The following CFAP46 variants were observed in gnomAD, a reference collection of about 807,000 sequenced individuals.
CFAP46 encodes cilia and flagella associated protein 46.
A neutral mutation model predicts 325.7 loss-of-function variants in CFAP46; 245 were observed. The observed-to-expected ratio is 0.75, with a 90% CI of 0.68 to 0.84. The LOEUF is 0.84. CFAP46 is among the 40% of genes least tolerant of loss of function. CFAP46 has a pLI of 0.00. For synonymous variants in CFAP46, 1,523 were observed against 1,495.9 expected, an observed-to-expected ratio of 1.02 and a Z score of -0.42; for missense variants, 3,346 against 3,543.0, an observed-to-expected ratio of 0.94 and a Z score of 1.41.
At chr10:132,851,041 G>A in intron 40 of CFAP46, 76 bp downstream of exon 40, 2 of 1,564,104 alleles carry the variant, frequency 1.3e-6, no homozygotes, top group African/African-American at 1.4e-5. Context: ...GACGGCTCCT[G>A]CTGGAACGGG....
At position 132,817,607 on chromosome 10, in the gene CFAP46, G is replaced by A. The variant is rs922174775; in HGVS notation, c.7118-2693C>T. Among the ~76,000 whole-genome samples, 11 of 152,256 alleles carry A rather than the reference G, an allele frequency of 7.2e-5. No individual in the cohort carries two copies. Among genetic ancestry groups the A allele is most frequent in the Middle Eastern group, 3.4e-3 (1 of 294 alleles). Reference sequence around the variant, plus strand: ...TCTATTTGTTGGGAGTTTGCACACCGACTCTCTGGTGGTGTCCTTAGCGCT... The same window carrying A: ...TCTATTTGTTGGGAGTTTGCACACCAACTCTCTGGTGGTGTCCTTAGCGCT... On this transcript the variant is annotated intron_variant, in intron 50 of 57. Coordinates refer to ENST00000368586, the MANE Select transcript of CFAP46 (RefSeq NM_001200049.3). The surrounding 1 kb of genome is among the most constrained non-coding windows in gnomAD (Gnocchi z 4.4).
At chr10:132,845,978 G>T in intron 44 of CFAP46, 79 bp downstream of exon 44, 1 of 1,456,826 alleles carries the variant, frequency 6.9e-7, no homozygotes, top group Non-Finnish European at 9.2e-7. Context: ...TCGCTCAGGC[G>T]TGGGACTGTG....
At chr10:132,916,455 C>A in intron 17 of CFAP46, 94 bp downstream of exon 17, 2 of 1,362,832 alleles carry the variant, frequency 1.5e-6, no homozygotes, top group South Asian at 1.5e-5. Context: ...CTTACGAATG[C>A]AAAGGGTGTC....
At chr10:132,918,835 C>G (rs1314214128) in intron 15 of CFAP46, among the ~76,000 whole-genome samples, 1 of 152,214 alleles carries the variant, frequency 6.6e-6, no homozygotes, top group African/African-American at 2.4e-5. Context: ...GGGGTGCCCT[C>G]CCTGACTCCT....
chr10:132,924,656 A>C lies in CFAP46; in HGVS notation c.1256+40T>G, dbSNP rs534302220. ...CCTCCTCTGTCTCCTCCTATGCGCC[A>C]CGCCCTCTGTGGAGGACACAGCACA... On this transcript the variant is annotated intron_variant, in intron 11 of 57. Coordinates refer to ENST00000368586, the MANE Select transcript of CFAP46 (RefSeq NM_001200049.3). The C allele has an allele frequency of 1.3e-4, 178 of 1,423,364 alleles. No homozygotes were observed. The African/African-American group carries it at 2.3e-3, about 18-fold the overall frequency. 88.2% of individuals were successfully genotyped at this position (1,423,364 alleles called of 1,614,324 possible).
In CFAP46 at chr10:132,919,986, C is replaced by T. The variant is rs1330192864; in HGVS notation, c.1730+73G>A. 9 of 1,427,978 alleles carry T rather than the reference C, an allele frequency of 6.3e-6. No homozygotes were observed. In the African/African-American group the frequency reaches 1.0e-4, roughly 16 times the overall value. 88.5% of individuals were successfully genotyped at this position (1,427,978 alleles called of 1,614,324 possible). ...ACATGCAGGGTCAGCTCAGCCGCCACAGACACTGGCCCTCGGGCTGAGCGA... is the reference window on the plus strand; with the variant it reads ...ACATGCAGGGTCAGCTCAGCCGCCATAGACACTGGCCCTCGGGCTGAGCGA... On this transcript the variant is annotated intron_variant, in intron 14 of 57. Coordinates refer to ENST00000368586, the MANE Select transcript of CFAP46 (RefSeq NM_001200049.3). The surrounding 1 kb of genome is among the most constrained non-coding windows in gnomAD (Gnocchi z 9.7).
chr10:132,820,539 TG>T lies in CFAP46; in HGVS notation c.7118-5626del, dbSNP rs533636330. Among the ~76,000 whole-genome samples, 441 of 136,082 alleles carry T rather than the reference TG, an allele frequency of 3.2e-3. 2 individuals are homozygous for T. The highest frequency in any genetic ancestry group is 0.012 in the African/African-American group (412 of 35,640). 89.3% of individuals were successfully genotyped at this position (136,082 alleles called of 152,430 possible). On this transcript the variant is annotated intron_variant, in intron 50 of 57. Transcript: ENST00000368586. ...GTGCTGATGTGTGCTGTGTGTGCAC[TG>T]ATGTGTGCTGTGTGTGCTGATGTGT... is the stretch of plus-strand genomic sequence containing the variant.
At chr10:132,810,929 C>T (rs1160618431) in intron 56 of CFAP46, 21 bp downstream of exon 56, 1 of 1,573,438 alleles carries the variant, frequency 6.4e-7, no homozygotes. Flanking sequence ...CCCTGCCCAC[C>T]CGTTCCAGGC....
intron 22 of CFAP46, among the ~76,000 whole-genome samples, chr10:132,905,727 A>T (rs1190334618): frequency 6.6e-6 from 1 of 152,220 alleles, no homozygotes; most frequent in Non-Finnish European, 1.5e-5. Flanking sequence ...GCCTGGTGTC[A>T]GACAGAGACT....
rs1028449707 is a variant in CFAP46 at position 132,886,384 on chromosome 10, C to T, written c.3305-425G>A. Among the ~76,000 whole-genome samples, 15 of 152,154 alleles carry T rather than the reference C, an allele frequency of 9.9e-5. No individual in the cohort carries two copies. Among genetic ancestry groups the T allele is most frequent in the Non-Finnish European group, 2.2e-4 (15 of 68,018 alleles). ...CTCGGGAGTCCTCATGCTTGGTGCC[C>T]GCAGCACGGGAACAATCCCCGAGTC... On this transcript the variant is annotated intron_variant, in intron 25 of 57. Transcript: ENST00000368586. This position sits in a 1 kb window ranked among gnomAD's most constrained non-coding sequence, Gnocchi z 5.8.
At chr10:132,923,711 T>C (rs1414615499) in intron 11 of CFAP46, among the ~76,000 whole-genome samples, 2 of 152,204 alleles carry the variant, frequency 1.3e-5, no homozygotes. Context: ...CATTCTGTGC[T>C]GTGGGAAGTC....
chr10:132,833,335 A>C (rs1489200014), intron 50 of CFAP46, 23 bp downstream of exon 50: 2 of 1,593,212 alleles, frequency 1.3e-6, no homozygotes, highest in Non-Finnish European at 1.7e-6. Context: ...TTACACATTA[A>C]GGTGGCTGAG....
At position 132,869,457 on chromosome 10, in the gene CFAP46, A is replaced by G; in HGVS notation, c.4512-85T>C. On this transcript the variant is annotated intron_variant, in intron 32 of 57. Transcript: ENST00000368586. The surrounding 1 kb of genome is among the most constrained non-coding windows in gnomAD (Gnocchi z 6.2). ...AAGCTACTAGTGTGCTTCACAGAAA[A>G]CGGTCAACTAACACATCGAGGCACA... The G allele has an allele frequency of 1.1e-6, 1 of 939,050 alleles. No individual in the cohort carries two copies. Among genetic ancestry groups the G allele is most frequent in the Non-Finnish European group, 1.5e-6 (1 of 662,880 alleles). The allele number at this position is 939,050 out of a possible 1,614,324, so 58.2% of individuals were successfully genotyped here.
intron 1 of CFAP46, 23 bp from the exon 2 acceptor site, chr10:132,942,127 G>C: frequency 6.4e-7 from 1 of 1,551,244 alleles, no homozygotes. Flanking sequence ...GGTGGTTGAG[G>C]AAGGTTTGGT....
intron 35 of CFAP46, among the ~76,000 whole-genome samples, chr10:132,862,745 TGGA>T (rs1564782879): frequency 1.4e-5 from 2 of 140,040 alleles, no homozygotes; most frequent in Admixed American, 1.5e-4. Flanking sequence ...GAGACCAGGG[TGGA>T]AGGGCAGAGC....
At chr10:132,859,678 G>A (rs534020519) in intron 37 of CFAP46, among the ~76,000 whole-genome samples, 1 of 152,336 alleles carries the variant, frequency 6.6e-6, no homozygotes, top group South Asian at 2.1e-4. Flanking sequence ...AGCAGCCACA[G>A]CAGGGCCCTG....
In CFAP46 at chr10:132,916,638, G is replaced by A. The variant is rs777061113; in HGVS notation, c.2031C>T (p.Asp677=). 1.2e-4 allele frequency: 181 copies of A among 1,535,408 alleles called. No individual in the cohort carries two copies. Among genetic ancestry groups the A allele is most frequent in the South Asian group, 2.8e-4 (23 of 81,972 alleles). ...TCAGGTCTTCGGGGGGGATGGCCCG[G>A]TCATTCAGCTCTACACCTTCTGACC... is the stretch of plus-strand genomic sequence containing the variant. The part of the protein sequence containing the change: ...LLRSEGVELN[D]RAIPPEDLSQ... The change falls in exon 17 of 58, where the codon GAC becomes GAT. Residue 677 remains aspartate (D), a synonymous_variant. Coordinates refer to ENST00000368586, the MANE Select transcript of CFAP46 (RefSeq NM_001200049.3).
chr10:132,834,513 TG>T, intron 48 of CFAP46, 140 bp downstream of exon 48: 2 of 1,216,802 alleles, frequency 1.6e-6, no homozygotes, highest in Non-Finnish European at 2.3e-6. Context: ...AATTGCTTCC[TG>T]GGAGCAGGCA....
intron 50 of CFAP46, among the ~76,000 whole-genome samples, chr10:132,821,744 CTGA>C (rs1189155759): frequency 2.5e-5 from 3 of 118,618 alleles, no homozygotes; most frequent in Non-Finnish European, 3.4e-5. Context: ...TGTGTGTGCG[CTGA>C]TGTGTGCTGT....
Sources: gnomAD v4.1 joint callset for allele counts (sites outside exome capture counted in the v4.1 genomes callset) on GRCh38, gnomAD v4.1.1 for gene constraint, Gnocchi (gnomAD v3.1) non-coding constraint, MANE v1.5 for transcripts, NCBI Gene and HGNC (gene_info 2026-07-23, HGNC 2026-07-21) for gene names.